The following NDUFS4 variants were observed in gnomAD, a reference collection of about 807,000 sequenced individuals.
The protein encoded by NDUFS4 is NADH:ubiquinone oxidoreductase subunit S4.
Under a neutral mutation model 24.3 loss-of-function variants are expected in NDUFS4, and 28 were observed. The observed-to-expected ratio is 1.15, with a 90% CI of 0.85 to 1.58. The LOEUF is 1.58. Ranked by LOEUF, NDUFS4 falls within the 40% of genes most tolerant of loss-of-function variation. NDUFS4 has a pLI of 0.00. For missense variants in NDUFS4, 223 were observed against 207.9 expected (o/e 1.07, Z -0.45); for synonymous variants, 93 against 69.7 (o/e 1.34, Z -1.67).
At chr5:53,605,880 G>A (rs1209723398) in intron 2 of NDUFS4, among the ~76,000 whole-genome samples, 8 of 152,088 alleles carry the variant, frequency 5.3e-5, no homozygotes, top group South Asian at 2.1e-4. Context: ...TGGGCGTGGC[G>A]GTGTGTGTCT....
At chr5:53,647,467 C>T (rs538740453) in intron 3 of NDUFS4, among the ~76,000 whole-genome samples, 1 of 152,240 alleles carries the variant, frequency 6.6e-6, no homozygotes, top group South Asian at 2.1e-4. Context: ...ATCCACCCAC[C>T]TCAGCCTCGA....
intron 2 of NDUFS4, among the ~76,000 whole-genome samples, chr5:53,622,594 T>A (rs554437703): frequency 1.3e-5 from 2 of 152,164 alleles, no homozygotes; most frequent in African/African-American, 4.8e-5. Flanking sequence ...ACATTTAGGA[T>A]TAGGGACTCA....
At chr5:53,648,229 G>C (rs1040328636) in intron 3 of NDUFS4, among the ~76,000 whole-genome samples, 1 of 152,140 alleles carries the variant, frequency 6.6e-6, no homozygotes, top group Non-Finnish European at 1.5e-5. Context: ...CCATGTCATG[G>C]TTATAAGGAA....
intron 1 of NDUFS4, among the ~76,000 whole-genome samples, chr5:53,582,953 G>A (rs1027440948): frequency 1.1e-4 from 17 of 152,274 alleles, no homozygotes; most frequent in African/African-American, 3.9e-4. Flanking sequence ...CCAGGTTGAA[G>A]TACAGTGGCA....
intron 4 of NDUFS4, among the ~76,000 whole-genome samples, chr5:53,681,091 A>G (rs1740649909): frequency 6.6e-6 from 1 of 152,164 alleles, no homozygotes; most frequent in South Asian, 2.1e-4. Context: ...ATATAGAGAC[A>G]TGTTGCTATG....
intron 2 of NDUFS4, among the ~76,000 whole-genome samples, chr5:53,612,306 T>G (rs1419783603): frequency 6.6e-6 from 1 of 152,066 alleles, no homozygotes; most frequent in Non-Finnish European, 1.5e-5. Context: ...TTAAAAACTA[T>G]TAAGCACCAC....
chr5:53,574,218 T>G (rs1749314657), intron 1 of NDUFS4, among the ~76,000 whole-genome samples: 1 of 152,184 alleles, frequency 6.6e-6, no homozygotes, highest in Non-Finnish European at 1.5e-5. Flanking sequence ...TAGCTAAAGG[T>G]TTTTTGTAGA....
chr5:53,624,410 T>C (rs1751154979), intron 2 of NDUFS4, among the ~76,000 whole-genome samples: 1 of 152,208 alleles, frequency 6.6e-6, no homozygotes, highest in Admixed American at 6.5e-5. Context: ...ATTGAATCTG[T>C]AGATTGATTG....
rs143961063 is a variant in NDUFS4 at position 53,592,432 on chromosome 5, T to C, written c.99-11020T>C. On this transcript the variant is annotated intron_variant, in intron 1 of 4. Transcript: ENST00000296684. The stretch of plus-strand genomic sequence containing the variant: ...GTCCAACTTATTTATTTTTCATGGA[T>C]CATTTTTTTGGCATTGTATCTGAAA... Among the ~76,000 whole-genome samples, 57 of 152,346 alleles carry C rather than the reference T, an allele frequency of 3.7e-4. No homozygotes were observed. In the East Asian group the frequency reaches 7.1e-3, roughly 19 times the overall value.
rs528633782 is a variant in NDUFS4 at position 53,604,992 on chromosome 5, C to G, written c.177+1462C>G. ...ATCCCAGCACTTTGGGAGGCTGAGG[C>G]GGGTGGATCACGAGGTCAGGAGTTC... is the stretch of plus-strand genomic sequence containing the variant. On this transcript the variant is annotated intron_variant, in intron 2 of 4. Coordinates refer to ENST00000296684, the MANE Select transcript of NDUFS4 (RefSeq NM_002495.4). 67 of 406,710 alleles carry G rather than the reference C, an allele frequency of 1.6e-4. 1 individual carries two copies. Among genetic ancestry groups the G allele is most frequent in the South Asian group, 1.2e-3 (65 of 55,304 alleles). The allele number at this position is 406,710 out of a possible 1,614,324, so 25.2% of individuals were successfully genotyped here. A position where few individuals can be genotyped will look rare whatever the true frequency, so the allele number is the denominator to read the frequency against.
intron 1 of NDUFS4, among the ~76,000 whole-genome samples, chr5:53,586,550 T>G (rs976114819): frequency 6.6e-6 from 1 of 152,074 alleles, no homozygotes; most frequent in Non-Finnish European, 1.5e-5. Flanking sequence ...TGAGACGGAG[T>G]CTCACTCTGT....
At chr5:53,677,185 C>T (rs149122550) in intron 4 of NDUFS4, among the ~76,000 whole-genome samples, 1 of 152,100 alleles carries the variant, frequency 6.6e-6, no homozygotes, top group Non-Finnish European at 1.5e-5. Context: ...ATAGTTCCAA[C>T]TACTGCTTTG....
chr5:53,588,245 C>G (rs1351575053), intron 1 of NDUFS4, among the ~76,000 whole-genome samples: 4 of 152,152 alleles, frequency 2.6e-5, no homozygotes, highest in Non-Finnish European at 5.9e-5. Context: ...TACTGCTCAG[C>G]TCAAGAATGT....
intron 1 of NDUFS4, among the ~76,000 whole-genome samples, chr5:53,595,799 C>T (rs1750116509): frequency 6.6e-6 from 1 of 152,126 alleles, no homozygotes. Flanking sequence ...CAGTTTGGGG[C>T]TTGAGCTGTG....
chr5:53,656,114 T>C (rs1752155413), intron 3 of NDUFS4, among the ~76,000 whole-genome samples: 1 of 152,056 alleles, frequency 6.6e-6, no homozygotes. Context: ...CTAGCTTGTC[T>C]AGACTAGAGA....
chr5:53,600,250 C>T (rs180776766), intron 1 of NDUFS4, among the ~76,000 whole-genome samples: 54 of 152,108 alleles, frequency 3.6e-4, no homozygotes, highest in Admixed American at 8.5e-4. Context: ...CCGCCATCCT[C>T]GGCCTCCCAA....
intron 2 of NDUFS4, among the ~76,000 whole-genome samples, chr5:53,619,306 TAAAA>T (rs113660312): frequency 6.8e-4 from 49 of 72,364 alleles, no homozygotes; most frequent in African/African-American, 1.4e-3. Flanking sequence ...GCTAAAAATT[TAAAA>T]AAAAAAAAAA....
intron 1 of NDUFS4, among the ~76,000 whole-genome samples, chr5:53,580,081 G>T (rs149559393): frequency 6.6e-6 from 1 of 152,056 alleles, no homozygotes; most frequent in Non-Finnish European, 1.5e-5. Flanking sequence ...CACAAATTTC[G>T]TAGTAATTTG....
At chr5:53,591,536 G>A (rs1579846044) in intron 1 of NDUFS4, among the ~76,000 whole-genome samples, 1 of 148,666 alleles carries the variant, frequency 6.7e-6, no homozygotes, top group East Asian at 2.0e-4. Context: ...CATTTCCCTA[G>A]CACTCTTTTG....
Sources: gnomAD v4.1 joint callset for allele counts (sites outside exome capture counted in the v4.1 genomes callset) on GRCh38, gnomAD v4.1.1 for gene constraint, MANE v1.5 for transcripts, NCBI Gene and HGNC (gene_info 2026-07-23, HGNC 2026-07-21) for gene names.